Variants in DGKI observed in about 807,000 individuals in gnomAD.
DGKI encodes the protein diacylglycerol kinase iota, also known as DAG kinase iota.
DGKI carries 55 observed loss-of-function variants against 147.5 expected under a neutral mutation model. The observed-to-expected ratio is 0.37, with a 90% CI of 0.30 to 0.47. DGKI has a LOEUF of 0.47. Ranked by LOEUF, DGKI falls within the 20% of genes least tolerant of loss-of-function variation. DGKI has a pLI of 1.00. For synonymous variants in DGKI, 469 were observed against 477.1 expected (o/e 0.98, Z 0.22); for missense variants, 1,007 against 1,323.8 (o/e 0.76, Z 3.71).
intron 1 of DGKI, among the ~76,000 whole-genome samples, chr7:137,828,192 T>G (rs28491578): frequency 0.086 from 13,128 of 152,292 alleles, 868 homozygotes; most frequent in African/African-American, 0.19. Flanking sequence ...ATTTGGCACA[T>G]AGTGGCTATT....
At chr7:137,616,977 T>C (rs146349032) in intron 8 of DGKI, among the ~76,000 whole-genome samples, 5 of 151,832 alleles carry the variant, frequency 3.3e-5, no homozygotes, top group Non-Finnish European at 5.9e-5. Flanking sequence ...TAGATAACAA[T>C]AGATGACAAG....
chr7:137,737,794 C>T (rs1167167948), intron 1 of DGKI, among the ~76,000 whole-genome samples: 3 of 152,104 alleles, frequency 2.0e-5, no homozygotes, highest in Admixed American at 1.3e-4. Flanking sequence ...AGAATAAATA[C>T]ACTAAACTGA....
intron 5 of DGKI, among the ~76,000 whole-genome samples, chr7:137,650,362 A>T (rs1020307442): frequency 1.6e-4 from 24 of 152,326 alleles, no homozygotes; most frequent in African/African-American, 5.5e-4. Flanking sequence ...TGCATAAATT[A>T]TTATGGTATA....
intron 1 of DGKI, among the ~76,000 whole-genome samples, chr7:137,819,403 C>A (rs931615003): frequency 1.3e-5 from 2 of 151,984 alleles, no homozygotes; most frequent in Non-Finnish European, 2.9e-5. Flanking sequence ...GCTCCACCTC[C>A]CAGGTTCATG....
At chr7:137,434,034 G>A (rs529922800) in intron 28 of DGKI, among the ~76,000 whole-genome samples, 27 of 151,592 alleles carry the variant, frequency 1.8e-4, no homozygotes, top group East Asian at 9.8e-4. Flanking sequence ...CAGGAGAAGC[G>A]CTTGAACCTG....
At chr7:137,784,583 A>G (rs563507954) in intron 1 of DGKI, among the ~76,000 whole-genome samples, 38 of 152,142 alleles carry the variant, frequency 2.5e-4, no homozygotes, top group Non-Finnish European at 5.0e-4. Flanking sequence ...GAAAATGAAC[A>G]AAGAAACAAT....
chr7:137,687,221 T>A (rs2116440671), intron 2 of DGKI, among the ~76,000 whole-genome samples: 1 of 152,332 alleles, frequency 6.6e-6, no homozygotes, highest in African/African-American at 2.4e-5. Context: ...ATTGGGGCCC[T>A]CTACCTTATC....
At chr7:137,818,982 C>T (rs1367579835) in intron 1 of DGKI, among the ~76,000 whole-genome samples, 2 of 152,132 alleles carry the variant, frequency 1.3e-5, no homozygotes, top group African/African-American at 4.8e-5. Flanking sequence ...AAAGCTTCTA[C>T]AAAAAGCCCT....
intron 23 of DGKI, among the ~76,000 whole-genome samples, chr7:137,474,226 C>A (rs1049588673): frequency 3.3e-5 from 5 of 152,142 alleles, no homozygotes; most frequent in Non-Finnish European, 5.9e-5. Flanking sequence ...TGTACAAAAG[C>A]ATCAAGTCTC....
chr7:137,592,384 G>A (rs1158604760), intron 12 of DGKI, among the ~76,000 whole-genome samples: 1 of 152,222 alleles, frequency 6.6e-6, no homozygotes, highest in African/African-American at 2.4e-5. Context: ...GAAAAGCAGG[G>A]CTGACAGATT....
intron 23 of DGKI, among the ~76,000 whole-genome samples, chr7:137,471,981 A>T (rs1814918265): frequency 1.4e-5 from 2 of 139,938 alleles, no homozygotes; most frequent in Admixed American, 1.5e-4. Flanking sequence ...ATGTGTATAT[A>T]TACATTATAT....
chr7:137,434,976 C>A (rs2128913121), intron 28 of DGKI, among the ~76,000 whole-genome samples: 1 of 152,078 alleles, frequency 6.6e-6, no homozygotes, highest in Non-Finnish European at 1.5e-5. Context: ...CTGAGACTAC[C>A]ACAAAAGGCC....
At chr7:137,410,916 T>C (rs1285608864) in intron 29 of DGKI, among the ~76,000 whole-genome samples, 1 of 152,244 alleles carries the variant, frequency 6.6e-6, no homozygotes, top group East Asian at 1.9e-4. Flanking sequence ...ACAATTTCTA[T>C]TGACACTATG....
intron 1 of DGKI, among the ~76,000 whole-genome samples, chr7:137,732,412 A>G (rs1794910696): frequency 6.6e-6 from 1 of 152,082 alleles, no homozygotes; most frequent in Non-Finnish European, 1.5e-5. Flanking sequence ...GTCTATTACA[A>G]TACAATATGC....
chr7:137,496,062 G>T (rs116712066), intron 21 of DGKI, among the ~76,000 whole-genome samples: 2 of 151,854 alleles, frequency 1.3e-5, no homozygotes, highest in African/African-American at 4.8e-5. Flanking sequence ...AAGAACCCTA[G>T]AGTCTCTGCC....
chr7:137,569,556 G>A (rs1481117548), intron 19 of DGKI, among the ~76,000 whole-genome samples: 32 of 151,060 alleles, frequency 2.1e-4, no homozygotes, highest in East Asian at 2.0e-4. Flanking sequence ...GTGAAATCTC[G>A]TCTCTACTAA....
intron 2 of DGKI, among the ~76,000 whole-genome samples, chr7:137,682,970 C>A (rs1823291414): frequency 6.6e-6 from 1 of 152,174 alleles, no homozygotes; most frequent in Admixed American, 6.6e-5. Flanking sequence ...TTGTATTAAG[C>A]CATTATACAT....
chr7:137,821,277 G>A (rs929807665), intron 1 of DGKI, among the ~76,000 whole-genome samples: 8 of 152,078 alleles, frequency 5.3e-5, no homozygotes, highest in African/African-American at 1.7e-4. Context: ...CAAGGTAAAT[G>A]ATGAGCTGAA....
chr7:137,681,119 C>T (rs900220083), intron 2 of DGKI, among the ~76,000 whole-genome samples: 1 of 152,180 alleles, frequency 6.6e-6, no homozygotes, highest in African/African-American at 2.4e-5. Context: ...GGTAGGAGTG[C>T]ACCATCCACA....
Sources: allele counts gnomAD v4.1 joint callset (sites outside exome capture counted in the v4.1 genomes callset), GRCh38; gene constraint gnomAD v4.1.1; transcripts MANE v1.5; gene names NCBI Gene and HGNC (gene_info 2026-07-23, HGNC 2026-07-21).